Variants in STAU2 observed in about 807,000 individuals in gnomAD.
The protein encoded by STAU2 is double-stranded RNA-binding protein Staufen homolog 2.
A neutral mutation model predicts 65.9 loss-of-function variants in STAU2; 20 were observed. The ratio of observed to expected loss-of-function variants is 0.30; its 90% CI spans 0.21 to 0.44. The LOEUF (loss-of-function observed/expected upper bound fraction) is 0.44, where lower values mean the gene tolerates loss of function less well. Ranked by LOEUF, STAU2 falls within the 20% of genes least tolerant of loss-of-function variation. STAU2 has a pLI of 1.00. For synonymous variants in STAU2, 232 were observed against 233.9 expected (o/e 0.99, Z 0.07); for missense variants, 558 against 683.9 (o/e 0.82, Z 2.05).
intron 4 of STAU2, among the ~76,000 whole-genome samples, chr8:73,701,012 A>G (rs1164357270): frequency 6.6e-6 from 1 of 152,142 alleles, no homozygotes; most frequent in African/African-American, 2.4e-5. Flanking sequence ...TCAAGAACAT[A>G]CACTGGGGAA....
intron 13 of STAU2, among the ~76,000 whole-genome samples, chr8:73,463,215 T>C (rs1346269439): frequency 6.6e-6 from 1 of 152,250 alleles, no homozygotes; most frequent in Non-Finnish European, 1.5e-5. Context: ...TGCTGGTCTT[T>C]AGGAATGAAA....
At chr8:73,527,925 G>T in intron 13 of STAU2, 1 of 234,598 alleles carries the variant, frequency 4.3e-6, no homozygotes, top group Admixed American at 6.5e-5. Context: ...AAACCTTATT[G>T]AACCCCTCCA....
At chr8:73,610,033 C>T (rs1312164433) in intron 9 of STAU2, among the ~76,000 whole-genome samples, 2 of 152,138 alleles carry the variant, frequency 1.3e-5, no homozygotes, top group Non-Finnish European at 2.9e-5. Flanking sequence ...AATCGCAGCA[C>T]TTTGGGAGGC....
At chr8:73,549,491 A>G (rs1807168596) in intron 13 of STAU2, 1 of 304,958 alleles carries the variant, frequency 3.3e-6, no homozygotes, top group African/African-American at 2.3e-5. Flanking sequence ...TGTAGGTTTA[A>G]AAGAATTTGA....
chr8:73,495,281 G>A (rs1821347025), intron 13 of STAU2, among the ~76,000 whole-genome samples: 1 of 151,490 alleles, frequency 6.6e-6, no homozygotes, highest in Non-Finnish European at 1.5e-5. Context: ...GTTAAGTGCT[G>A]TTAGAGTATG....
chr8:73,717,197 T>C (rs1009892557), intron 3 of STAU2, among the ~76,000 whole-genome samples: 3 of 152,202 alleles, frequency 2.0e-5, no homozygotes, highest in Admixed American at 2.0e-4. Flanking sequence ...GAGGAATCAC[T>C]ACGAAAAAAA....
At chr8:73,675,046 C>A (rs1817940708) in intron 5 of STAU2, among the ~76,000 whole-genome samples, 1 of 151,396 alleles carries the variant, frequency 6.6e-6, no homozygotes, top group African/African-American at 2.4e-5. Context: ...ACATAAGCCA[C>A]AAAACAAGTC....
chr8:73,575,970 G>A (rs1037856203), intron 12 of STAU2, among the ~76,000 whole-genome samples: 8 of 152,070 alleles, frequency 5.3e-5, no homozygotes, highest in African/African-American at 1.9e-4. Context: ...TAATGAAATA[G>A]TGGAATTTGA....
intron 4 of STAU2, among the ~76,000 whole-genome samples, chr8:73,706,692 G>C (rs916275806): frequency 2.0e-5 from 3 of 152,096 alleles, no homozygotes; most frequent in African/African-American, 7.2e-5. Flanking sequence ...CAGGCTAAGG[G>C]GGGTGGTGTA....
At chr8:73,427,575 T>C (rs1244769095) in intron 13 of STAU2, among the ~76,000 whole-genome samples, 5 of 152,238 alleles carry the variant, frequency 3.3e-5, no homozygotes, top group Admixed American at 6.5e-5. Context: ...TCAGTGACTC[T>C]GAGGTCCTTT....
chr8:73,681,638 TG>T (rs1006107760), intron 5 of STAU2, among the ~76,000 whole-genome samples: 4 of 152,082 alleles, frequency 2.6e-5, no homozygotes, highest in Non-Finnish European at 5.9e-5. Flanking sequence ...ATACTAATGT[TG>T]AATGTAAATG....
At chr8:73,578,957 A>G (rs776265981) in intron 12 of STAU2, among the ~76,000 whole-genome samples, 9 of 152,072 alleles carry the variant, frequency 5.9e-5, no homozygotes, top group Non-Finnish European at 1.2e-4. Flanking sequence ...CAACACTTAT[A>G]TACCTCCCTT....
At chr8:73,519,730 T>A (rs1417054593) in intron 13 of STAU2, among the ~76,000 whole-genome samples, 1 of 152,214 alleles carries the variant, frequency 6.6e-6, no homozygotes, top group Non-Finnish European at 1.5e-5. Context: ...TTCTTAGAAA[T>A]TCAATTTAAT....
chr8:73,605,870 C>CAT (rs1563453131), intron 9 of STAU2, among the ~76,000 whole-genome samples: 9 of 28,248 alleles, frequency 3.2e-4, no homozygotes, highest in East Asian at 1.0e-3. Flanking sequence ...CACACACACA[C>CAT]ACACACATAC....
At chr8:73,549,053 A>T (rs1265426430) in intron 13 of STAU2, among the ~76,000 whole-genome samples, 1 of 152,204 alleles carries the variant, frequency 6.6e-6, no homozygotes, top group Non-Finnish European at 1.5e-5. Flanking sequence ...TGTCTTTTGC[A>T]TAATAAGTTT....
chr8:73,602,439 T>C (rs907743579), intron 10 of STAU2, among the ~76,000 whole-genome samples: 1 of 152,232 alleles, frequency 6.6e-6, no homozygotes, highest in Middle Eastern at 3.2e-3. Context: ...CTAAGCACAG[T>C]GGCTCACGCC....
chr8:73,746,919 GGCGCT>G, upstream of STAU2: 1 of 920,532 alleles, frequency 1.1e-6, no homozygotes, highest in Non-Finnish European at 1.3e-6. Context: ...CCGCCTCCCC[GGCGCT>G]CCCGCCGCGC....
intron 13 of STAU2, among the ~76,000 whole-genome samples, chr8:73,475,103 A>G (rs1163408233): frequency 6.6e-6 from 1 of 152,066 alleles, no homozygotes; most frequent in African/African-American, 2.4e-5. Flanking sequence ...AACAGTGGTG[A>G]CCTTTGGGGA....
intron 3 of STAU2, among the ~76,000 whole-genome samples, chr8:73,734,562 A>G (rs1296627621): frequency 6.6e-6 from 1 of 152,166 alleles, no homozygotes; most frequent in Admixed American, 6.5e-5. Flanking sequence ...TTGAAAGGCC[A>G]AGGCAGGCAG....
Sources: gnomAD v4.1 joint callset for allele counts (sites outside exome capture counted in the v4.1 genomes callset) on GRCh38, gnomAD v4.1.1 for gene constraint, MANE v1.5 for transcripts, NCBI Gene and HGNC (gene_info 2026-07-23, HGNC 2026-07-21) for gene names.